Variants in HPSE2 observed in about 807,000 individuals in gnomAD.
HPSE2 encodes inactive heparanase-2.
A neutral mutation model predicts 60.5 loss-of-function variants in HPSE2; 38 were observed. The observed-to-expected ratio is 0.63, with a 90% confidence interval of 0.48 to 0.82. The LOEUF is 0.82. Ranked by LOEUF, HPSE2 falls within the 40% of genes least tolerant of loss-of-function variation. The probability of loss-of-function intolerance (pLI) is 0.00; values close to 1 mark genes in which losing one functional copy is unlikely to be tolerated. For missense variants in HPSE2, 713 were observed against 740.4 expected (o/e 0.96, Z 0.43); for synonymous variants, 295 against 293.2 (o/e 1.01, Z -0.06).
intron 9 of HPSE2, among the ~76,000 whole-genome samples, chr10:98,544,050 C>A (rs1589394824): frequency 6.6e-6 from 1 of 151,406 alleles, no homozygotes; most frequent in Admixed American, 6.6e-5. Flanking sequence ...CCACACCACA[C>A]CTATTCCAAA....
intron 3 of HPSE2, among the ~76,000 whole-genome samples, chr10:98,765,777 A>G (rs1316770955): frequency 7.9e-5 from 12 of 152,132 alleles, no homozygotes; most frequent in African/African-American, 2.7e-4. Context: ...CTGGTGGCAG[A>G]GGTTGCAATG....
chr10:99,146,663 A>G (rs1254233228), intron 2 of HPSE2, among the ~76,000 whole-genome samples: 1 of 152,092 alleles, frequency 6.6e-6, no homozygotes, highest in Non-Finnish European at 1.5e-5. Flanking sequence ...GGAGTTCAAG[A>G]CCAGCCTGGC....
chr10:98,846,505 G>A (rs966229643), intron 3 of HPSE2, among the ~76,000 whole-genome samples: 1 of 152,116 alleles, frequency 6.6e-6, no homozygotes, highest in Non-Finnish European at 1.5e-5. Context: ...TCTCCTTGTT[G>A]TTGAGGCAAC....
chr10:99,132,186 A>G (rs1354514037), intron 3 of HPSE2, among the ~76,000 whole-genome samples: 2 of 17,214 alleles, frequency 1.2e-4, no homozygotes, highest in African/African-American at 2.4e-4. Flanking sequence ...AGAAAGAAAG[A>G]AAGAAAGAGA....
intron 9 of HPSE2, among the ~76,000 whole-genome samples, chr10:98,588,942 C>T (rs988991639): frequency 1.3e-5 from 2 of 152,082 alleles, no homozygotes; most frequent in African/African-American, 4.8e-5. Context: ...AACTGAGCTA[C>T]CTTTAACTGG....
intron 4 of HPSE2, among the ~76,000 whole-genome samples, chr10:98,728,115 A>C (rs529228247): frequency 6.6e-6 from 1 of 152,360 alleles, no homozygotes; most frequent in Admixed American, 6.5e-5. Flanking sequence ...ACAAAGAAAT[A>C]AAAGACATAA....
At chr10:98,579,583 T>TC (rs1006011739) in intron 9 of HPSE2, among the ~76,000 whole-genome samples, 1 of 152,090 alleles carries the variant, frequency 6.6e-6, no homozygotes, top group African/African-American at 2.4e-5. Flanking sequence ...CCACCACTTC[T>TC]CCCCCCTTCC....
intron 8 of HPSE2, among the ~76,000 whole-genome samples, chr10:98,616,334 C>T (rs1336807568): frequency 6.6e-6 from 1 of 152,128 alleles, no homozygotes; most frequent in Admixed American, 6.5e-5. Context: ...ACCGCAAACA[C>T]CCATCACCAT....
intron 5 of HPSE2, among the ~76,000 whole-genome samples, chr10:98,721,051 G>A (rs972528914): frequency 6.6e-6 from 1 of 151,964 alleles, no homozygotes; most frequent in African/African-American, 2.4e-5. Context: ...TACACATTAA[G>A]AGAGATAAAT....
At chr10:98,536,157 G>C in intron 9 of HPSE2, among the ~76,000 whole-genome samples, 1 of 152,146 alleles carries the variant, frequency 6.6e-6, no homozygotes, top group East Asian at 1.9e-4. Flanking sequence ...AGATGTATGG[G>C]CACTTTATAC....
At chr10:99,153,156 G>A (rs1448908015) in intron 2 of HPSE2, among the ~76,000 whole-genome samples, 7 of 152,224 alleles carry the variant, frequency 4.6e-5, no homozygotes, top group Non-Finnish European at 7.3e-5. Context: ...AAACTGCAAG[G>A]CAGCAGCGAG....
intron 9 of HPSE2, among the ~76,000 whole-genome samples, chr10:98,568,857 G>A (rs1256351684): frequency 1.3e-5 from 2 of 152,132 alleles, no homozygotes; most frequent in African/African-American, 4.8e-5. Context: ...TCTACTCATT[G>A]CTTTTGTGAG....
At chr10:99,044,475 C>T (rs570179154) in intron 3 of HPSE2, among the ~76,000 whole-genome samples, 2 of 152,284 alleles carry the variant, frequency 1.3e-5, no homozygotes, top group South Asian at 4.2e-4. Flanking sequence ...CAGCTAACGA[C>T]ATAATGGCAG....
intron 3 of HPSE2, among the ~76,000 whole-genome samples, chr10:98,761,254 A>G (rs1389222965): frequency 6.6e-6 from 1 of 152,146 alleles, no homozygotes; most frequent in Non-Finnish European, 1.5e-5. Context: ...AAATAAATGA[A>G]ATAGACATTA....
intron 3 of HPSE2, among the ~76,000 whole-genome samples, chr10:98,799,927 A>G (rs562942391): frequency 6.6e-6 from 1 of 152,310 alleles, no homozygotes; most frequent in South Asian, 2.1e-4. Flanking sequence ...AAGAAATAAT[A>G]AAGATCAGAG....
At chr10:98,808,309 C>T (rs149398162) in intron 3 of HPSE2, among the ~76,000 whole-genome samples, 4 of 152,248 alleles carry the variant, frequency 2.6e-5, no homozygotes, top group African/African-American at 9.6e-5. Flanking sequence ...CTTAGAGACT[C>T]ATCCTTCCAT....
chr10:98,803,767 C>T (rs1950974980), intron 3 of HPSE2, among the ~76,000 whole-genome samples: 1 of 150,976 alleles, frequency 6.6e-6, no homozygotes, highest in South Asian at 2.1e-4. Flanking sequence ...ATGCCTCCAG[C>T]TTTGTTCTTT....
chr10:98,531,581 C>G (rs1182805587), intron 9 of HPSE2, among the ~76,000 whole-genome samples: 8 of 152,148 alleles, frequency 5.3e-5, no homozygotes, highest in Admixed American at 4.6e-4. Context: ...GCTTATAATT[C>G]CAAAGAGGGT....
intron 3 of HPSE2, among the ~76,000 whole-genome samples, chr10:98,854,811 A>C (rs1037448607): frequency 1.3e-5 from 2 of 152,242 alleles, no homozygotes; most frequent in African/African-American, 4.8e-5. Context: ...TTTTATAGGA[A>C]GGTATTTTAA....
Sources: allele counts gnomAD v4.1 joint callset (sites outside exome capture counted in the v4.1 genomes callset), GRCh38; gene constraint gnomAD v4.1.1; transcripts MANE v1.5; gene names NCBI Gene and HGNC (gene_info 2026-07-23, HGNC 2026-07-21).